The following RPS6KA2 variants were observed in gnomAD, a reference collection of about 807,000 sequenced individuals.
RPS6KA2 encodes the protein ribosomal protein S6 kinase alpha-2.
A neutral mutation model predicts 91.8 loss-of-function variants in RPS6KA2; 42 were observed. The observed-to-expected ratio is 0.46, with a 90% CI of 0.36 to 0.59. The LOEUF is 0.59. RPS6KA2 is among the 20% of genes least tolerant of loss of function. The pLI, the probability that RPS6KA2 is intolerant of heterozygous loss-of-function variation, is 0.00. For synonymous variants in RPS6KA2, 414 were observed against 393.6 expected (o/e 1.05, Z -0.61); for missense variants, 798 against 978.5 (o/e 0.82, Z 2.46).
At chr6:166,619,384 G>A (rs1562346278) in intron 1 of RPS6KA2, among the ~76,000 whole-genome samples, 2 of 152,244 alleles carry the variant, frequency 1.3e-5, no homozygotes, top group Non-Finnish European at 2.9e-5. Flanking sequence ...TGTTTTGTTT[G>A]TCTGTGTTTC....
Position 166,719,499 on chromosome 6 carries a change from C to T in RPS6KA2, c.123+138701G>A, listed in dbSNP as rs115687119. 6.3e-3 allele frequency among the ~76,000 whole-genome samples: 967 copies of T among 152,342 alleles called. 4 individuals carry two copies. The highest frequency in any genetic ancestry group is 0.021 in the African/African-American group (883 of 41,584). On this transcript the variant is annotated intron_variant, in intron 2 of 21. Transcript: ENST00000503859. ...TTTGGAAAGACAAGTAACCTGCAAT[C>T]TCTCCTTCTCTGCCATTTTAACTGC...
chr6:166,754,392 G>A (rs1057388641), intron 2 of RPS6KA2, among the ~76,000 whole-genome samples: 1 of 152,318 alleles, frequency 6.6e-6, no homozygotes, highest in East Asian at 1.9e-4. Flanking sequence ...GTGCAGGAAC[G>A]TGTGGGCAGG....
At chr6:166,693,627 T>C (rs1426720341) in intron 2 of RPS6KA2, among the ~76,000 whole-genome samples, 1 of 152,206 alleles carries the variant, frequency 6.6e-6, no homozygotes, top group Non-Finnish European at 1.5e-5. Flanking sequence ...AGCAGTTTTT[T>C]AGAAAGTCTG....
intron 16 of RPS6KA2, among the ~76,000 whole-genome samples, chr6:166,427,132 C>T (rs1167120651): frequency 3.3e-5 from 5 of 151,998 alleles, no homozygotes; most frequent in Admixed American, 2.6e-4. Flanking sequence ...CCCTGGGATG[C>T]AAGGCTGGTT....
At chr6:166,571,973 C>T (rs1784702365) in intron 1 of RPS6KA2, among the ~76,000 whole-genome samples, 1 of 152,116 alleles carries the variant, frequency 6.6e-6, no homozygotes, top group African/African-American at 2.4e-5. Flanking sequence ...ACCCTTACAT[C>T]TTCTATATTG....
At position 166,495,352 on chromosome 6, in the gene RPS6KA2, T is replaced by C. The variant is rs1198265474; in HGVS notation, c.747+3156A>G. 2.0e-5 allele frequency among the ~76,000 whole-genome samples: 3 copies of C among 152,134 alleles called. No homozygotes were observed. The highest frequency in any genetic ancestry group is 2.1e-4 in the South Asian group (1 of 4,836). On this transcript the variant is annotated intron_variant, in intron 8 of 20. Transcript: ENST00000265678. The surrounding 1 kb of genome is among the most constrained non-coding windows in gnomAD (Gnocchi z 4.4). ...CCCCTTCCCCAGCTGTCACGAGACATTGAATGCGGGACGATCCCAGCAAAC... is the reference window on the plus strand; with the variant it reads ...CCCCTTCCCCAGCTGTCACGAGACACTGAATGCGGGACGATCCCAGCAAAC...
chr6:166,658,575 T>G (rs142679363), intron 2 of RPS6KA2, among the ~76,000 whole-genome samples: 62 of 152,214 alleles, frequency 4.1e-4, no homozygotes, highest in Non-Finnish European at 7.8e-4. Context: ...GCCAGACTAC[T>G]TGATAAAAGT....
rs748386172 is a variant in RPS6KA2 at position 166,531,284 on chromosome 6, G to A, written c.246C>T (p.Ser82=). ...TCATGGCGTAGAGCTGCCCAGCGTC[G>A]GACCCCTTCACCTTCCTCACCAGGA... The part of the protein sequence containing the change: ...KVFLVRKVKG[S]DAGQLYAMKV... The change falls in exon 3 of 21, where the codon TCC becomes TCT. Residue 82 remains serine (S), a synonymous_variant. Transcript: ENST00000265678. 2.2e-5 allele frequency: 36 copies of A among 1,613,904 alleles called. 1 individual carries two copies. The highest frequency in any genetic ancestry group is 3.3e-5 in the South Asian group (3 of 91,080).
intron 2 of RPS6KA2, among the ~76,000 whole-genome samples, chr6:166,832,251 G>T (rs1357934057): frequency 1.3e-5 from 2 of 152,210 alleles, no homozygotes; most frequent in Non-Finnish European, 2.9e-5. Context: ...CTGGGAGGAA[G>T]AGCTGAGTTA....
chr6:166,481,564 A>G (rs1368095648), intron 10 of RPS6KA2, among the ~76,000 whole-genome samples: 3 of 151,978 alleles, frequency 2.0e-5, no homozygotes, highest in African/African-American at 7.3e-5. Flanking sequence ...GAGATAGTAG[A>G]CTGTATGTAT....
rs764842490 is a variant in RPS6KA2, at chr6:166,413,794, C to T, written c.2076G>A (p.Lys692=). The stretch of plus-strand genomic sequence containing the variant: ...TGTCCTCACTGTCGCCTGCCGGTAC[C>T]TTCACCAGGTGCACGTCCTGTCGGC... ...QLSRQDVHLV[K]GAMAATYFAL... Residue 692 remains lysine (K), a splice_region_variant and synonymous_variant, in exon 20 of 21, where the codon AAG becomes AAA. Transcript: ENST00000265678. 6.2e-7 allele frequency: 1 copy of T among 1,614,084 alleles called. No individual in the cohort carries two copies. Among genetic ancestry groups the T allele is most frequent in the Admixed American group, 1.7e-5 (1 of 60,010 alleles).
chr6:166,544,381 G>A (rs1012660413), intron 1 of RPS6KA2, among the ~76,000 whole-genome samples: 1 of 152,112 alleles, frequency 6.6e-6, no homozygotes, highest in South Asian at 2.1e-4. Context: ...CCCGGAGAGC[G>A]AGCTCCATCT....
intron 2 of RPS6KA2, among the ~76,000 whole-genome samples, chr6:166,679,001 A>G (rs1788700502): frequency 6.6e-6 from 1 of 152,224 alleles, no homozygotes; most frequent in Non-Finnish European, 1.5e-5. Context: ...GTATTTGTTT[A>G]CAAGTAATAT....
intron 2 of RPS6KA2, among the ~76,000 whole-genome samples, chr6:166,771,342 T>A (rs1238203575): frequency 2.6e-5 from 4 of 152,192 alleles, no homozygotes; most frequent in Non-Finnish European, 5.9e-5. Context: ...ATCTGTAGAT[T>A]TCATCTTCAT....
At chr6:166,656,978 G>A (rs983911707) in intron 2 of RPS6KA2, among the ~76,000 whole-genome samples, 3 of 152,142 alleles carry the variant, frequency 2.0e-5, no homozygotes, top group Non-Finnish European at 2.9e-5. Context: ...CCCAAGCCTA[G>A]AATCTGAGTC....
Position 166,459,583 on chromosome 6 carries a change from T to C in RPS6KA2, c.973-32A>G, listed in dbSNP as rs1780207932. The C allele has an allele frequency of 6.6e-7, 1 of 1,513,640 alleles. No individual in the cohort carries two copies. Among genetic ancestry groups the C allele is most frequent in the South Asian group, 1.1e-5 (1 of 88,094 alleles). 93.8% of individuals were successfully genotyped at this position (1,513,640 alleles called of 1,614,324 possible). ...ATACAAGGAAAGCAAGACAGGGCACTGAGGATGCACAGACATTGCCACAGA... is the reference window on the plus strand; with the variant it reads ...ATACAAGGAAAGCAAGACAGGGCACCGAGGATGCACAGACATTGCCACAGA... On this transcript the variant is annotated intron_variant, in intron 11 of 20. Transcript: ENST00000265678. This position sits in a 1 kb window ranked among gnomAD's most constrained non-coding sequence, Gnocchi z 4.9.
At chr6:166,564,982 T>C (rs1784451688) in intron 1 of RPS6KA2, among the ~76,000 whole-genome samples, 1 of 152,194 alleles carries the variant, frequency 6.6e-6, no homozygotes, top group Non-Finnish European at 1.5e-5. Flanking sequence ...GTCATTTTAA[T>C]TACCCTTATG....
chr6:166,514,859 C>T (rs114189380), intron 3 of RPS6KA2, among the ~76,000 whole-genome samples: 4 of 152,092 alleles, frequency 2.6e-5, no homozygotes, highest in African/African-American at 4.8e-5. Flanking sequence ...TCTGCCTGGG[C>T]GACTGGTGGA....
rs1228505752 is a variant in RPS6KA2 at position 166,563,451 on chromosome 6, C to CAAA, written c.100-24668_100-24667insTTT. ...ACCGCCTCTTCCTTCCTCCTGGTGA[C>CAAA]AGATGCCCCCTGCCACCCCCAGGGG... is the stretch of plus-strand genomic sequence containing the variant. On this transcript the variant is annotated intron_variant, in intron 1 of 20. Coordinates refer to ENST00000265678, the MANE Select transcript of RPS6KA2 (RefSeq NM_021135.6). This position sits in a 1 kb window ranked among gnomAD's most constrained non-coding sequence, Gnocchi z 4.1. 2.6e-5 allele frequency among the ~76,000 whole-genome samples: 4 copies of CAAA among 152,196 alleles called. No homozygotes were observed. The East Asian group carries it at 7.7e-4, about 29-fold the overall frequency.
Sources: gnomAD v4.1 joint callset for allele counts (sites outside exome capture counted in the v4.1 genomes callset) on GRCh38, gnomAD v4.1.1 for gene constraint, Gnocchi (gnomAD v3.1) non-coding constraint, MANE v1.5 for transcripts, NCBI Gene and HGNC (gene_info 2026-07-23, HGNC 2026-07-21) for gene names.